PCDH11X: variants seen among roughly 807,000 people sequenced by gnomAD.
PCDH11X encodes protocadherin 11 X-linked.
In PCDH11X, 18 loss-of-function variants were observed where a neutral mutation model predicts 53.3. That is an observed-to-expected ratio of 0.34 (90% CI 0.23 to 0.50). The LOEUF (loss-of-function observed/expected upper bound fraction) is 0.50. PCDH11X is among the 20% of genes least tolerant of loss of function. The pLI is 0.98. For synonymous variants in PCDH11X, 279 were observed against 393.3 expected (o/e 0.71, Z 3.44); for missense variants, 570 against 1,032.4 (o/e 0.55, Z 6.14).
At chrX:92,398,590 C>A (rs1254961626) in intron 9 of PCDH11X, among the ~76,000 whole-genome samples, 8 of 110,993 alleles carry the variant, frequency 7.2e-5, no homozygotes, top group African/African-American at 2.6e-4. Context: ...ATGTTTAATT[C>A]TCTTATATTC....
intron 7 of PCDH11X, chrX:92,262,901 CTG>C: frequency 3.0e-6 from 1 of 336,266 alleles, no homozygotes; most frequent in Non-Finnish European, 3.9e-6. Context: ...ATTTACAATG[CTG>C]TTATATCCCT....
intron 9 of PCDH11X, among the ~76,000 whole-genome samples, chrX:92,444,820 GGTTTTT>G (rs898670648): frequency 2.0e-5 from 2 of 99,169 alleles, no homozygotes; most frequent in African/African-American, 3.7e-5. Flanking sequence ...ATGACAATAT[GGTTTTT>G]GTTTTTAATT....
chrX:92,504,951 T>C (rs1441840865), intron 10 of PCDH11X, among the ~76,000 whole-genome samples: 2 of 110,626 alleles, frequency 1.8e-5, no homozygotes, highest in Admixed American at 1.9e-4. Context: ...TCTGTTCATG[T>C]TCTTTGGCCA....
At chrX:91,950,607 T>TATATAAATGTGATATATATATATATATAC (rs772420274) in intron 6 of PCDH11X, among the ~76,000 whole-genome samples, 8 of 97,755 alleles carry the variant, frequency 8.2e-5, no homozygotes, top group African/African-American at 3.3e-4. Flanking sequence ...TATATATATA[T>TATATAAATGTGATATATATATATATATAC]ACACACACAC....
chrX:92,091,036 C>G (rs1027744094), intron 6 of PCDH11X, among the ~76,000 whole-genome samples: 67 of 112,086 alleles, frequency 6.0e-4, no homozygotes, highest in Non-Finnish European at 1.0e-3. Flanking sequence ...TAAAAAGAAC[C>G]AGGCTCTTTT....
At chrX:92,403,724 G>C (rs1265855132) in intron 9 of PCDH11X, among the ~76,000 whole-genome samples, 7 of 111,189 alleles carry the variant, frequency 6.3e-5, no homozygotes, top group Non-Finnish European at 1.3e-4. Flanking sequence ...GTTTTTTCAA[G>C]GGCAAGGGAA....
At chrX:92,612,224 G>A (rs957852585) in intron 10 of PCDH11X, among the ~76,000 whole-genome samples, 8 of 110,309 alleles carry the variant, frequency 7.3e-5, no homozygotes, top group African/African-American at 2.6e-4. Flanking sequence ...ATCTGGTCTG[G>A]GTTTTGTTTT....
chrX:92,523,416 G>A (rs1413608829), intron 10 of PCDH11X, among the ~76,000 whole-genome samples: 2 of 111,872 alleles, frequency 1.8e-5, no homozygotes, highest in Non-Finnish European at 3.8e-5. Context: ...AGAGAGCTGT[G>A]AGCTACATTT....
chrX:91,893,449 A>G (rs929567498), intron 6 of PCDH11X, among the ~76,000 whole-genome samples: 3 of 107,411 alleles, frequency 2.8e-5, no homozygotes, highest in Non-Finnish European at 5.8e-5. Flanking sequence ...GCATTTTAGC[A>G]CAAGAAGCAT....
intron 6 of PCDH11X, among the ~76,000 whole-genome samples, chrX:91,989,031 G>T (rs1447823402): frequency 1.8e-5 from 2 of 110,753 alleles, no homozygotes; most frequent in African/African-American, 6.6e-5. Context: ...CACTATCCAG[G>T]AATCTGCTAC....
chrX:92,278,076 G>A (rs2068150069), intron 8 of PCDH11X, among the ~76,000 whole-genome samples: 1 of 110,155 alleles, frequency 9.1e-6, no homozygotes, highest in South Asian at 3.8e-4. Context: ...GATAAAACGT[G>A]TCTCCTTTGT....
intron 8 of PCDH11X, among the ~76,000 whole-genome samples, chrX:92,312,820 T>G (rs1191890246): frequency 9.0e-6 from 1 of 111,526 alleles, no homozygotes; most frequent in Non-Finnish European, 1.9e-5. Flanking sequence ...AGTTCTTTTT[T>G]TAAACTATGT....
At chrX:91,841,341 C>T (rs374688510) in intron 5 of PCDH11X, among the ~76,000 whole-genome samples, 3 of 111,445 alleles carry the variant, frequency 2.7e-5, no homozygotes, top group African/African-American at 6.5e-5. Context: ...ACTTATGGAA[C>T]GTAAGTTGGA....
At chrX:91,792,571 C>G (rs1935590843) in intron 1 of PCDH11X, among the ~76,000 whole-genome samples, 1 of 110,855 alleles carries the variant, frequency 9.0e-6, no homozygotes, top group African/African-American at 3.3e-5. Context: ...TGTCTAAGTA[C>G]TTAAAGTACT....
At chrX:92,050,278 A>C (rs2063349725) in intron 6 of PCDH11X, among the ~76,000 whole-genome samples, 1 of 101,146 alleles carries the variant, frequency 9.9e-6, no homozygotes, top group Admixed American at 1.1e-4. Flanking sequence ...CTTCAAGAAA[A>C]ATATTTTCAG....
At chrX:91,910,699 T>C (rs1391006761) in intron 6 of PCDH11X, among the ~76,000 whole-genome samples, 1 of 111,673 alleles carries the variant, frequency 9.0e-6, no homozygotes, top group African/African-American at 3.2e-5. Context: ...GAAAGATTTT[T>C]ATATCAGATC....
At chrX:92,524,698 C>A (rs921372276) in intron 10 of PCDH11X, among the ~76,000 whole-genome samples, 1 of 110,737 alleles carries the variant, frequency 9.0e-6, no homozygotes, top group African/African-American at 3.3e-5. Flanking sequence ...TTCTTTGTCC[C>A]TTCAATAGAC....
chrX:92,077,542 G>A (rs1037994816), intron 6 of PCDH11X, among the ~76,000 whole-genome samples: 5 of 109,649 alleles, frequency 4.6e-5, no homozygotes, highest in Non-Finnish European at 9.5e-5. Context: ...TTGAATAAAG[G>A]CATTTATAAT....
intron 8 of PCDH11X, among the ~76,000 whole-genome samples, chrX:92,375,345 T>G (rs1411177981): frequency 1.0e-5 from 1 of 97,588 alleles, no homozygotes; most frequent in East Asian, 3.2e-4. Context: ...CTGGCTAATT[T>G]TTTTTTGTAG....
Sources: allele counts gnomAD v4.1 joint callset (sites outside exome capture counted in the v4.1 genomes callset), GRCh38; gene constraint gnomAD v4.1.1; transcripts MANE v1.5; gene names NCBI Gene and HGNC (gene_info 2026-07-23, HGNC 2026-07-21).